The following CNTN4 variants were observed in gnomAD, a reference collection of about 807,000 sequenced individuals.
The protein encoded by CNTN4 is contactin 4.
Under a neutral mutation model 122.5 loss-of-function variants are expected in CNTN4, and 77 were observed. The ratio of observed to expected loss-of-function variants is 0.63; its 90% CI spans 0.52 to 0.76. The LOEUF (loss-of-function observed/expected upper bound fraction) is 0.76. CNTN4 is among the 30% of genes least tolerant of loss of function. The pLI is 0.00. For synonymous variants in CNTN4, 512 were observed against 447.0 expected (o/e 1.15, Z -1.83); for missense variants, 1,256 against 1,259.1 (o/e 1.00, Z 0.04).
intron 3 of CNTN4, among the ~76,000 whole-genome samples, chr3:2,373,095 GT>G (rs78980055): frequency 0.043 from 6,607 of 152,232 alleles, 602 homozygotes; most frequent in East Asian, 0.43. Flanking sequence ...AAAGGGCTTT[GT>G]TTCTAATCCC....
intron 3 of CNTN4, among the ~76,000 whole-genome samples, chr3:2,480,223 C>A (rs924546973): frequency 1.3e-5 from 2 of 151,996 alleles, no homozygotes; most frequent in African/African-American, 4.8e-5. Context: ...GCAAGGATAA[C>A]TTCTACCACT....
At position 2,400,425 on chromosome 3, in the gene CNTN4, A is replaced by ATG. The variant is rs1353617235; in HGVS notation, c.-89+61193_-89+61194insGT. ...TGTGAATATATATATATATATATATATACATATATATATATATATATATAT... is the reference window on the plus strand; with the variant it reads ...TGTGAATATATATATATATATATATATGTACATATATATATATATATATATAT... On this transcript the variant is annotated intron_variant, in intron 3 of 24. Transcript: ENST00000418658. Among the ~76,000 whole-genome samples the ATG allele has an allele frequency of 3.6e-5, 2 of 56,176 alleles. 1 individual carries two copies. The highest frequency in any genetic ancestry group is 8.3e-5 in the Non-Finnish European group (2 of 24,242). 36.9% of individuals were successfully genotyped at this position (56,176 alleles called of 152,430 possible). A position where few individuals can be genotyped will look rare whatever the true frequency, so the allele number is the denominator to read the frequency against.
chr3:2,274,406 C>T (rs1223246345), intron 2 of CNTN4, among the ~76,000 whole-genome samples: 1 of 151,360 alleles, frequency 6.6e-6, no homozygotes, highest in Non-Finnish European at 1.5e-5. Context: ...AACAAACAAA[C>T]AAACAACCCA....
At chr3:2,390,692 C>A (rs1305016356) in intron 3 of CNTN4, among the ~76,000 whole-genome samples, 1 of 152,028 alleles carries the variant, frequency 6.6e-6, no homozygotes, top group Non-Finnish European at 1.5e-5. Flanking sequence ...TTTTCCCCAC[C>A]TAACTTCCTT....
chr3:3,035,777 C>T (rs1699547405), intron 17 of CNTN4, among the ~76,000 whole-genome samples: 1 of 152,184 alleles, frequency 6.6e-6, no homozygotes, highest in South Asian at 2.1e-4. Context: ...AGGCTGGTCT[C>T]AAACTCCTGC....
At chr3:2,608,136 A>G (rs2081335643) in intron 4 of CNTN4, among the ~76,000 whole-genome samples, 1 of 152,220 alleles carries the variant, frequency 6.6e-6, no homozygotes, top group Non-Finnish European at 1.5e-5. Context: ...AATTTGAGGC[A>G]TTGTTTCAGC....
intron 6 of CNTN4, among the ~76,000 whole-genome samples, chr3:2,757,375 G>T (rs2090385833): frequency 6.6e-6 from 1 of 152,126 alleles, no homozygotes; most frequent in Non-Finnish European, 1.5e-5. Context: ...TTGGCCCTGA[G>T]TCCCGCTCTC....
At chr3:2,926,219 CTCAAAACTCAT>C (rs979601927) in intron 13 of CNTN4, among the ~76,000 whole-genome samples, 15 of 152,132 alleles carry the variant, frequency 9.9e-5, no homozygotes, top group Admixed American at 6.5e-4. Context: ...TTGAGGCTGT[CTCAAAACTCAT>C]TCAAAACTCA....
intron 3 of CNTN4, among the ~76,000 whole-genome samples, chr3:2,374,186 A>G (rs2045735471): frequency 6.6e-6 from 1 of 152,130 alleles, no homozygotes; most frequent in Admixed American, 6.5e-5. Flanking sequence ...TTTATTTACC[A>G]TTGTCTGTCC....
At chr3:2,606,031 G>A (rs1219082835) in intron 4 of CNTN4, among the ~76,000 whole-genome samples, 1 of 152,126 alleles carries the variant, frequency 6.6e-6, no homozygotes, top group Admixed American at 6.5e-5. Flanking sequence ...GGGGGAAGCA[G>A]GGGAATTTGG....
intron 23 of CNTN4, among the ~76,000 whole-genome samples, chr3:3,044,114 G>A (rs1370758081): frequency 6.6e-6 from 1 of 151,990 alleles, no homozygotes; most frequent in Non-Finnish European, 1.5e-5. Flanking sequence ...CTATAGTCAA[G>A]AGTTATATAA....
chr3:2,922,286 C>G (rs138475051), intron 12 of CNTN4, among the ~76,000 whole-genome samples: 145 of 152,288 alleles, frequency 9.5e-4, no homozygotes, highest in African/African-American at 3.3e-3. Flanking sequence ...AACCTCATTA[C>G]CTGTGAATGT....
At chr3:2,125,138 C>T (rs1015555943) in intron 2 of CNTN4, among the ~76,000 whole-genome samples, 1 of 152,120 alleles carries the variant, frequency 6.6e-6, no homozygotes, top group South Asian at 2.1e-4. Flanking sequence ...TCTACAGGCT[C>T]TGGAAGCCAC....
intron 6 of CNTN4, among the ~76,000 whole-genome samples, chr3:2,752,197 T>A (rs940613529): frequency 6.6e-6 from 1 of 152,202 alleles, no homozygotes; most frequent in African/African-American, 2.4e-5. Context: ...CTGCATGTAT[T>A]TATGGGTTAC....
chr3:2,421,503 T>G (rs1482702650), intron 3 of CNTN4, among the ~76,000 whole-genome samples: 1 of 152,140 alleles, frequency 6.6e-6, no homozygotes, highest in Non-Finnish European at 1.5e-5. Flanking sequence ...CTGCCCACCT[T>G]GGTCTTCCAA....
At chr3:2,117,875 AT>A (rs2033467957) in intron 2 of CNTN4, among the ~76,000 whole-genome samples, 1 of 152,156 alleles carries the variant, frequency 6.6e-6, no homozygotes, top group Admixed American at 6.5e-5. Context: ...CATCACCCAG[AT>A]TTTTTAGTTT....
At chr3:2,445,172 C>G (rs941711140) in intron 3 of CNTN4, among the ~76,000 whole-genome samples, 3 of 152,252 alleles carry the variant, frequency 2.0e-5, no homozygotes, top group African/African-American at 7.2e-5. Flanking sequence ...GATCAGACAT[C>G]AGCTCTCCTA....
intron 2 of CNTN4, among the ~76,000 whole-genome samples, chr3:2,210,680 G>A (rs2038576027): frequency 6.6e-6 from 1 of 152,180 alleles, no homozygotes; most frequent in Non-Finnish European, 1.5e-5. Flanking sequence ...AAGAGTGAGA[G>A]TCTCAACTTT....
intron 2 of CNTN4, among the ~76,000 whole-genome samples, chr3:2,318,641 T>G (rs2043187979): frequency 6.6e-6 from 1 of 152,110 alleles, no homozygotes; most frequent in Non-Finnish European, 1.5e-5. Context: ...TTTGTGTGTA[T>G]GCATGTGTGT....
Sources: allele counts gnomAD v4.1 joint callset (sites outside exome capture counted in the v4.1 genomes callset), GRCh38; gene constraint gnomAD v4.1.1; transcripts MANE v1.5; gene names NCBI Gene and HGNC (gene_info 2026-07-23, HGNC 2026-07-21).